The following FAM120B variants were observed in gnomAD, a reference collection of about 807,000 sequenced individuals.
FAM120B encodes the protein family with sequence similarity 120 member B, also known as constitutive coactivator of peroxisome proliferator-activated receptor gamma.
Under a neutral mutation model 96.3 loss-of-function variants are expected in FAM120B, and 83 were observed. The observed-to-expected ratio is 0.86, with a 90% CI of 0.72 to 1.03. FAM120B has a LOEUF of 1.03. FAM120B is among the 50% of genes least tolerant of loss of function. FAM120B has a pLI of 0.00. For missense variants in FAM120B, 1,027 were observed against 1,121.2 expected, an observed-to-expected ratio of 0.92 and a Z score of 1.20; for synonymous variants, 407 against 402.7, an observed-to-expected ratio of 1.01 and a Z score of -0.13.
At chr6:170,372,718 G>C (rs1789273544) in intron 6 of FAM120B, among the ~76,000 whole-genome samples, 1 of 152,160 alleles carries the variant, frequency 6.6e-6, no homozygotes, top group Admixed American at 6.5e-5. Flanking sequence ...TCCTGCCCCT[G>C]CTAAAGGAGG....
chr6:170,308,376 T>A (rs1374163345), intron 1 of FAM120B, among the ~76,000 whole-genome samples: 1 of 152,124 alleles, frequency 6.6e-6, no homozygotes, highest in African/African-American at 2.4e-5. Flanking sequence ...GACCTTCCAG[T>A]TTTTTTGTTT....
intron 6 of FAM120B, among the ~76,000 whole-genome samples, chr6:170,378,454 T>C (rs1009553212): frequency 6.6e-5 from 10 of 152,196 alleles, no homozygotes; most frequent in African/African-American, 2.2e-4. Flanking sequence ...TTTCCGTTCA[T>C]GTCCCACAGT....
chr6:170,392,789 C>T (rs1790542502), intron 8 of FAM120B, among the ~76,000 whole-genome samples: 1 of 152,164 alleles, frequency 6.6e-6, no homozygotes, highest in African/African-American at 2.4e-5. Flanking sequence ...AGGTGTCGTG[C>T]GTAGCACCCC....
At chr6:170,297,361 T>C (rs1022971122) in intron 1 of FAM120B, among the ~76,000 whole-genome samples, 1 of 152,234 alleles carries the variant, frequency 6.6e-6, no homozygotes, top group Non-Finnish European at 1.5e-5. Flanking sequence ...GGAGAACAGA[T>C]GTGGGCACCT....
intron 3 of FAM120B, among the ~76,000 whole-genome samples, chr6:170,327,143 T>C (rs1026510318): frequency 6.6e-6 from 1 of 151,492 alleles, no homozygotes; most frequent in Non-Finnish European, 1.5e-5. Context: ...GCCTCCCGGG[T>C]TCACACCATT....
At chr6:170,343,615 C>T (rs1427497341) in intron 4 of FAM120B, among the ~76,000 whole-genome samples, 1 of 151,986 alleles carries the variant, frequency 6.6e-6, no homozygotes, top group African/African-American at 2.4e-5. Context: ...TACTTGTTTT[C>T]TGTGTGTAAA....
intron 4 of FAM120B, chr6:170,330,921 G>A (rs1785985832): frequency 5.1e-6 from 1 of 197,544 alleles, no homozygotes; most frequent in Non-Finnish European, 1.0e-5. Context: ...AGTTTAACAG[G>A]ATAGATTCTT....
chr6:170,361,208 A>ATATATATATATATATATACGTG (rs1788372195), intron 6 of FAM120B, among the ~76,000 whole-genome samples: 2 of 79,192 alleles, frequency 2.5e-5, no homozygotes, highest in Non-Finnish European at 5.1e-5. Flanking sequence ...GTATATATAT[A>ATATATATATATATATATACGTG]TATATATATA....
chr6:170,335,057 T>A (rs74393769), intron 4 of FAM120B, among the ~76,000 whole-genome samples: 1 of 151,836 alleles, frequency 6.6e-6, no homozygotes, highest in South Asian at 2.1e-4. Context: ...TTTTTTTTTT[T>A]AATGTAAGTT....
At chr6:170,347,080 C>T (rs1436965880) in intron 4 of FAM120B, among the ~76,000 whole-genome samples, 4 of 152,010 alleles carry the variant, frequency 2.6e-5, no homozygotes, top group South Asian at 4.2e-4. Flanking sequence ...CTTCTGATGG[C>T]GGGAAATATA....
At chr6:170,315,255 G>A (rs934396662) in intron 1 of FAM120B, among the ~76,000 whole-genome samples, 1 of 152,170 alleles carries the variant, frequency 6.6e-6, no homozygotes, top group Non-Finnish European at 1.5e-5. Flanking sequence ...ACCATGCAAG[G>A]CCTGTTTAAA....
chr6:170,308,791 T>A (rs1784433084), intron 1 of FAM120B, among the ~76,000 whole-genome samples: 1 of 152,176 alleles, frequency 6.6e-6, no homozygotes, highest in Admixed American at 6.5e-5. Flanking sequence ...TACCTCCTAC[T>A]TCTTCCTCTT....
At chr6:170,361,051 G>GT (rs1788325465) in intron 6 of FAM120B, among the ~76,000 whole-genome samples, 4 of 151,898 alleles carry the variant, frequency 2.6e-5, no homozygotes, top group Admixed American at 2.6e-4. Flanking sequence ...GTGTGCCCTG[G>GT]TGTCACCAGC....
rs376805450 is a variant in FAM120B at position 170,318,916 on chromosome 6, C to T, written c.1526C>T (p.Pro509Leu). 2 of 1,614,156 alleles carry T rather than the reference C, an allele frequency of 1.2e-6. No individual in the cohort carries two copies. The highest frequency in any genetic ancestry group is 1.3e-5 in the African/African-American group (1 of 75,044). ...GGCCATGAATCCAAACAGGAAGTTCCCATATGTACAGATCCTATATCCAAG... is the reference window on the plus strand; with the variant it reads ...GGCCATGAATCCAAACAGGAAGTTCTCATATGTACAGATCCTATATCCAAG... ...CTGHESKQEV[P>L]ICTDPISKQE... Residue 509 changes from proline (P) to leucine (L), a missense_variant, in exon 2 of 11, where the codon CCC (proline) becomes CTC (leucine). Around this residue, in one of 3 missense-constraint regions of FAM120B, gnomAD observed 880 missense variants for 980.9 expected, o/e 0.90. Coordinates refer to ENST00000476287, the MANE Select transcript of FAM120B (RefSeq NM_032448.3).
chr6:170,308,084 C>T (rs1420906056), intron 1 of FAM120B, among the ~76,000 whole-genome samples: 1 of 152,138 alleles, frequency 6.6e-6, no homozygotes, highest in Non-Finnish European at 1.5e-5. Context: ...TTTGACCTGC[C>T]CATCTTTGGA....
At chr6:170,399,623 G>C (rs77877604) in intron 9 of FAM120B, among the ~76,000 whole-genome samples, 282 of 78,296 alleles carry the variant, frequency 3.6e-3, no homozygotes, top group African/African-American at 5.9e-3. Context: ...TATGTCATAA[G>C]CCTTAGGAGT....
chr6:170,293,201 T>C (rs1003203806), upstream of FAM120B, among the ~76,000 whole-genome samples: 2 of 151,688 alleles, frequency 1.3e-5, no homozygotes, highest in African/African-American at 4.8e-5. Flanking sequence ...TGAGGGTAGG[T>C]GAAAGGGTTT....
At chr6:170,354,939 A>G (rs1397918233) in intron 5 of FAM120B, among the ~76,000 whole-genome samples, 1 of 152,124 alleles carries the variant, frequency 6.6e-6, no homozygotes, top group South Asian at 2.1e-4. Flanking sequence ...AAAAAAACAA[A>G]AAGGACATAT....
At chr6:170,309,157 T>A (rs906899302) in intron 1 of FAM120B, among the ~76,000 whole-genome samples, 5 of 152,218 alleles carry the variant, frequency 3.3e-5, no homozygotes, top group Admixed American at 6.5e-5. Flanking sequence ...TTTATTACTT[T>A]GAAAATGCCA....
Sources: allele counts gnomAD v4.1 joint callset (sites outside exome capture counted in the v4.1 genomes callset), GRCh38; gene constraint gnomAD v4.1.1; regional missense constraint gnomAD v4.1.1; transcripts MANE v1.5; gene names NCBI Gene and HGNC (gene_info 2026-07-23, HGNC 2026-07-21).